The following NIPBL variants were observed in gnomAD, a reference collection of about 807,000 sequenced individuals.
NIPBL encodes the protein nipped-B-like protein.
A neutral mutation model predicts 321.8 loss-of-function variants in NIPBL; 19 were observed. The ratio of observed to expected loss-of-function variants is 0.06; its 90% CI spans 0.04 to 0.09. The LOEUF (loss-of-function observed/expected upper bound fraction) is 0.09, where lower values mean the gene tolerates loss of function less well. Among genes scored for constraint, NIPBL ranks in the 10% least tolerant of loss-of-function variants. The pLI, the probability that NIPBL is intolerant of heterozygous loss-of-function variation, is 1.00. For synonymous variants in NIPBL, 1,106 were observed against 1,114.1 expected (o/e 0.99, Z 0.14); for missense variants, 2,210 against 3,327.0 (o/e 0.66, Z 8.26).
chr5:36,959,891 T>G (rs1481164008), intron 4 of NIPBL, among the ~76,000 whole-genome samples: 1 of 152,134 alleles, frequency 6.6e-6, no homozygotes, highest in Non-Finnish European at 1.5e-5. Flanking sequence ...ATTAATTGCA[T>G]GTTATTTTTT....
At chr5:36,916,899 A>G (rs293771) in intron 1 of NIPBL, among the ~76,000 whole-genome samples, 52,230 of 151,714 alleles carry the variant, frequency 0.34, 10,189 homozygotes, top group African/African-American at 0.53. Context: ...CCAGTCTATC[A>G]TTGTTGGACA....
At chr5:37,042,400 A>G (rs942700028) in intron 34 of NIPBL, among the ~76,000 whole-genome samples, 1 of 152,068 alleles carries the variant, frequency 6.6e-6, no homozygotes, top group East Asian at 1.9e-4. Context: ...GTGCTACTGC[A>G]CTTCCGCCTG....
chr5:37,014,054 G>A (rs528841124), intron 21 of NIPBL, among the ~76,000 whole-genome samples: 34 of 152,344 alleles, frequency 2.2e-4, no homozygotes, highest in Admixed American at 2.1e-3. Flanking sequence ...AAAAAAATAC[G>A]AAAACCAGTC....
chr5:37,022,036 A>C lies in NIPBL; in HGVS notation c.5329-15A>C. ...TATTCTAAAATTTACAAAAATGTCA[A>C]TGTTTGCTTGGCAGATCCTACGAGT... On this transcript the variant is annotated splice_polypyrimidine_tract_variant and intron_variant, in intron 27 of 46. Transcript: ENST00000282516. 6.2e-7 allele frequency: 1 copy of C among 1,607,704 alleles called. No homozygotes were observed. The highest frequency in any genetic ancestry group is 1.1e-5 in the South Asian group (1 of 90,742).
chr5:37,033,388 G>A (rs891863428), intron 32 of NIPBL, among the ~76,000 whole-genome samples: 10 of 151,932 alleles, frequency 6.6e-5, no homozygotes, highest in African/African-American at 2.2e-4. Context: ...ATTAAGAGCA[G>A]TAATAAGTAG....
Position 37,065,155 on chromosome 5 carries a change from TTC to T in NIPBL, c.*265_*266del, listed in dbSNP as rs886060563. 5.3e-5 allele frequency: 25 copies of T among 472,076 alleles called. No individual in the cohort carries two copies. Among genetic ancestry groups the T allele is most frequent in the African/African-American group, 1.4e-4 (7 of 50,792 alleles). 29.2% of individuals were successfully genotyped at this position (472,076 alleles called of 1,614,324 possible). A position where few individuals can be genotyped will look rare whatever the true frequency, so the allele number is the denominator to read the frequency against. ...TTGTTTATATCTTGGAAAAAAAACTTTCTGTTTAAAAAAAATAAACAAGTGAA... is the reference window on the plus strand; with the variant it reads ...TTGTTTATATCTTGGAAAAAAAACTTTGTTTAAAAAAAATAAACAAGTGAA... On this transcript the variant is annotated 3_prime_UTR_variant, in exon 47 of 47. Coordinates refer to ENST00000282516, the MANE Select transcript of NIPBL (RefSeq NM_133433.4).
At chr5:36,950,949 C>A (rs1184249623) in intron 1 of NIPBL, among the ~76,000 whole-genome samples, 4 of 152,116 alleles carry the variant, frequency 2.6e-5, no homozygotes, top group Admixed American at 2.6e-4. Context: ...AAAATTGTAA[C>A]CTCATTTCTA....
intron 40 of NIPBL, among the ~76,000 whole-genome samples, chr5:37,050,521 G>T (rs1440611761): frequency 3.3e-5 from 5 of 150,440 alleles, no homozygotes; most frequent in Non-Finnish European, 7.4e-5. Context: ...AATTGCAAAA[G>T]TGATACGATG....
intron 1 of NIPBL, among the ~76,000 whole-genome samples, chr5:36,882,876 C>G (rs1554055413): frequency 6.7e-6 from 1 of 148,732 alleles, no homozygotes; most frequent in Non-Finnish European, 1.5e-5. Context: ...TGATTATAGT[C>G]TTTTTTTTTA....
At chr5:36,981,957 A>G (rs1744198574) in intron 9 of NIPBL, among the ~76,000 whole-genome samples, 1 of 151,784 alleles carries the variant, frequency 6.6e-6, no homozygotes, top group Non-Finnish European at 1.5e-5. Flanking sequence ...ATTGGCTACC[A>G]TGTATACACA....
Position 36,975,936 on chromosome 5 carries a change from A to G in NIPBL, c.1029A>G (p.Ala343=), listed in dbSNP as rs910756319. Residue 343 remains alanine (A), a synonymous_variant, in exon 9 of 47, where the codon GCA becomes GCG. Coordinates refer to ENST00000282516, the MANE Select transcript of NIPBL (RefSeq NM_133433.4). The part of the protein sequence containing the change: ...KDEKEQSEKA[A]MYDIISSPSK... Reference sequence around the variant, plus strand: ...AAAAAGAGCAGAGTGAGAAAGCGGCAATGTATGATATAATTAGTTCTCCAT... The same window carrying G: ...AAAAAGAGCAGAGTGAGAAAGCGGCGATGTATGATATAATTAGTTCTCCAT... 1 of 1,613,768 alleles carries G rather than the reference A, an allele frequency of 6.2e-7. No homozygotes were observed. Among genetic ancestry groups the G allele is most frequent in the Middle Eastern group, 1.6e-4 (1 of 6,084 alleles).
chr5:37,039,293 A>G (rs1251862605), intron 34 of NIPBL, among the ~76,000 whole-genome samples: 6 of 150,234 alleles, frequency 4.0e-5, no homozygotes, highest in Non-Finnish European at 5.9e-5. Context: ...TTAATTTTTT[A>G]TATTTTATAA....
chr5:37,025,769 C>A (rs300064), intron 30 of NIPBL, among the ~76,000 whole-genome samples: 86,175 of 151,912 alleles, frequency 0.57, 26,669 homozygotes, highest in African/African-American at 0.83. Context: ...AAAAGTTCAA[C>A]TATACTTCAT....
intron 1 of NIPBL, among the ~76,000 whole-genome samples, chr5:36,935,761 G>C (rs901450378): frequency 1.4e-4 from 22 of 152,182 alleles, no homozygotes; most frequent in Middle Eastern, 3.4e-3. Context: ...ATGTCAGCAT[G>C]CCTATTCACC....
At chr5:36,917,345 T>C (rs976259220) in intron 1 of NIPBL, among the ~76,000 whole-genome samples, 7 of 152,236 alleles carry the variant, frequency 4.6e-5, no homozygotes, top group African/African-American at 4.8e-5. Context: ...GGTTGTTTTT[T>C]TCTTGTAAGT....
rs1297416109 is a variant in NIPBL at position 36,876,859 on chromosome 5, G to T, written c.-399G>T. On this transcript the variant is annotated 5_prime_UTR_variant, in exon 1 of 47. Coordinates refer to ENST00000282516, the MANE Select transcript of NIPBL (RefSeq NM_133433.4). ...TCCCCCCCCTCCCTCCGTCGGTACC[G>T]ACTCACCCGACACCACCAAGCCGCA... 4 of 145,742 alleles carry T rather than the reference G, an allele frequency of 2.7e-5. No individual in the cohort carries two copies. Among genetic ancestry groups the T allele is most frequent in the Non-Finnish European group, 4.8e-5 (4 of 83,446 alleles). The allele number at this position is 145,742 out of a possible 1,614,324, so 9.0% of individuals were successfully genotyped here. A position where few individuals can be genotyped will look rare whatever the true frequency, so the allele number is the denominator to read the frequency against.
At chr5:36,889,948 GA>G (rs907357145) in intron 1 of NIPBL, among the ~76,000 whole-genome samples, 4 of 151,224 alleles carry the variant, frequency 2.6e-5, no homozygotes, top group Non-Finnish European at 5.9e-5. Context: ...TGGGAAATGG[GA>G]AAAATATCAA....
intron 20 of NIPBL, among the ~76,000 whole-genome samples, chr5:37,009,580 A>G (rs1747859118): frequency 1.3e-5 from 2 of 152,254 alleles, no homozygotes; most frequent in South Asian, 4.1e-4. Context: ...AAAACTATCA[A>G]CACATAAAAG....
Position 37,051,863 on chromosome 5 carries a change from A to C in NIPBL, c.7039A>C (p.Lys2347Gln). Residue 2347 changes from lysine (K) to glutamine (Q), a missense_variant, in exon 41 of 47, where the codon AAA becomes CAA. Physicochemically the swap from Lys to Gln is moderately conservative, Grantham distance 53. Around this residue, in one of 14 missense-constraint regions of NIPBL, gnomAD observed 112 missense variants for 288.3 expected, o/e 0.39. Coordinates refer to ENST00000282516, the MANE Select transcript of NIPBL (RefSeq NM_133433.4). ...TGATCAGCAACTTGTGGAAATAGAC[A>C]AAAAATATGCTGGATTCATTCATGT... The part of the protein sequence containing the change: ...KADQQLVEID[K>Q]KYAGFIHMKA... 1 of 1,612,892 alleles carries C rather than the reference A, an allele frequency of 6.2e-7. No homozygotes were observed. Among genetic ancestry groups the C allele is most frequent in the East Asian group, 2.2e-5 (1 of 44,864 alleles).
Sources: allele counts gnomAD v4.1 joint callset (sites outside exome capture counted in the v4.1 genomes callset), GRCh38; gene constraint gnomAD v4.1.1; regional missense constraint gnomAD v4.1.1; transcripts MANE v1.5; gene names NCBI Gene and HGNC (gene_info 2026-07-23, HGNC 2026-07-21).